Variants in CSMD1 observed in about 807,000 individuals in gnomAD.
The protein encoded by CSMD1 is CUB and Sushi multiple domains 1.
Under a neutral mutation model 417.5 loss-of-function variants are expected in CSMD1, and 213 were observed. The ratio of observed to expected loss-of-function variants is 0.51; its 90% CI spans 0.46 to 0.57. The LOEUF is 0.57. CSMD1 is among the 20% of genes least tolerant of loss of function. CSMD1 has a pLI of 0.00. For missense variants in CSMD1, 6,923 were observed against 4,529.7 expected, an observed-to-expected ratio of 1.53 and a Z score of -15.17; for synonymous variants, 2,862 against 1,736.8, an observed-to-expected ratio of 1.65 and a Z score of -16.11.
At chr8:3,441,514 C>G (rs57817395) in intron 12 of CSMD1, among the ~76,000 whole-genome samples, 1 of 138,734 alleles carries the variant, frequency 7.2e-6, no homozygotes, top group Non-Finnish European at 1.5e-5. Flanking sequence ...TATATATACA[C>G]ACACACACAC....
chr8:3,826,841 T>A (rs1315882748), intron 5 of CSMD1, among the ~76,000 whole-genome samples: 1 of 152,186 alleles, frequency 6.6e-6, no homozygotes, highest in Non-Finnish European at 1.5e-5. Flanking sequence ...GGCTGCAGTG[T>A]AGTGGTGTGA....
chr8:4,316,006 T>C (rs1395083854), intron 3 of CSMD1, among the ~76,000 whole-genome samples: 1 of 152,324 alleles, frequency 6.6e-6, no homozygotes, highest in East Asian at 1.9e-4. Flanking sequence ...TTCTTTCCTT[T>C]AAATATTCAG....
At chr8:3,827,048 T>A (rs971602746) in intron 5 of CSMD1, among the ~76,000 whole-genome samples, 1 of 152,172 alleles carries the variant, frequency 6.6e-6, no homozygotes, top group Admixed American at 6.5e-5. Context: ...TTTTGAAGTG[T>A]TGACATTATA....
At chr8:4,829,044 T>C (rs1169837737) in intron 1 of CSMD1, among the ~76,000 whole-genome samples, 1 of 152,214 alleles carries the variant, frequency 6.6e-6, no homozygotes, top group African/African-American at 2.4e-5. Context: ...TGAAAAGTAA[T>C]GATAACTTAA....
At chr8:3,896,685 T>G (rs530869523) in intron 5 of CSMD1, among the ~76,000 whole-genome samples, 1 of 151,956 alleles carries the variant, frequency 6.6e-6, no homozygotes, top group African/African-American at 2.4e-5. Flanking sequence ...TAATTTTTCT[T>G]ATTTTTATTG....
chr8:4,628,466 A>G (rs1802264752), intron 2 of CSMD1, among the ~76,000 whole-genome samples: 1 of 149,640 alleles, frequency 6.7e-6, no homozygotes, highest in South Asian at 2.1e-4. Flanking sequence ...ATATATATGT[A>G]TATGTATATA....
chr8:3,522,104 T>C (rs1797534008), intron 10 of CSMD1, among the ~76,000 whole-genome samples: 1 of 152,256 alleles, frequency 6.6e-6, no homozygotes, highest in South Asian at 2.1e-4. Context: ...ATTAACTTTT[T>C]TTAACCCTCA....
chr8:3,910,800 C>G (rs187506489), intron 5 of CSMD1, among the ~76,000 whole-genome samples: 2 of 152,228 alleles, frequency 1.3e-5, no homozygotes, highest in Admixed American at 6.5e-5. Context: ...ACAAATATAA[C>G]TTGTTATTGG....
chr8:4,883,356 A>C (rs1348526232), intron 1 of CSMD1, among the ~76,000 whole-genome samples: 1 of 152,088 alleles, frequency 6.6e-6, no homozygotes, highest in Non-Finnish European at 1.5e-5. Flanking sequence ...CATATCATAA[A>C]ATTTACCATT....
chr8:3,690,532 G>A (rs986870761), intron 7 of CSMD1, among the ~76,000 whole-genome samples: 1 of 152,188 alleles, frequency 6.6e-6, no homozygotes, highest in Non-Finnish European at 1.5e-5. Flanking sequence ...TAGACTGTTA[G>A]TCATCATCTA....
chr8:3,267,820 C>A (rs1168828277), intron 26 of CSMD1, among the ~76,000 whole-genome samples: 1 of 152,062 alleles, frequency 6.6e-6, no homozygotes. Flanking sequence ...CTGATGTCAC[C>A]CAGCTGGGCC....
At chr8:4,269,152 G>T (rs986615448) in intron 3 of CSMD1, among the ~76,000 whole-genome samples, 2 of 152,134 alleles carry the variant, frequency 1.3e-5, no homozygotes, top group Non-Finnish European at 2.9e-5. Flanking sequence ...TGTCTCCTGG[G>T]TTTAAACCAT....
At chr8:3,393,449 T>C (rs988296369) in intron 17 of CSMD1, among the ~76,000 whole-genome samples, 1 of 152,214 alleles carries the variant, frequency 6.6e-6, no homozygotes, top group African/African-American at 2.4e-5. Flanking sequence ...GTGACAGTTT[T>C]CTTCTTCTTT....
chr8:3,915,617 TTATCA>T (rs547364288), intron 5 of CSMD1, among the ~76,000 whole-genome samples: 67 of 151,352 alleles, frequency 4.4e-4, no homozygotes, highest in Non-Finnish European at 8.1e-4. Flanking sequence ...CTTGAAAAGC[TTATCA>T]TATAATTATA....
intron 5 of CSMD1, among the ~76,000 whole-genome samples, chr8:3,878,040 A>G (rs4527896): frequency 0.25 from 38,052 of 151,850 alleles, 5,955 homozygotes; most frequent in African/African-American, 0.44. Flanking sequence ...TAGTACCTCC[A>G]TCTAATTACA....
intron 5 of CSMD1, among the ~76,000 whole-genome samples, chr8:3,782,585 T>G (rs1799240736): frequency 1.3e-5 from 2 of 152,182 alleles, no homozygotes; most frequent in Admixed American, 1.3e-4. Flanking sequence ...ACATGGCACA[T>G]GTAATCCTAT....
chr8:3,117,894 G>A (rs145732770), intron 42 of CSMD1, among the ~76,000 whole-genome samples: 2 of 152,204 alleles, frequency 1.3e-5, no homozygotes, highest in African/African-American at 4.8e-5. Context: ...TTCCACCTCC[G>A]AGTAGCAAAA....
At chr8:4,527,294 G>A (rs1328218604) in intron 2 of CSMD1, among the ~76,000 whole-genome samples, 3 of 152,140 alleles carry the variant, frequency 2.0e-5, no homozygotes, top group African/African-American at 7.2e-5. Context: ...GGAATGAGCT[G>A]TGTAGCTGGT....
At chr8:3,553,395 T>C (rs748779775) in intron 10 of CSMD1, among the ~76,000 whole-genome samples, 1 of 152,208 alleles carries the variant, frequency 6.6e-6, no homozygotes, top group Non-Finnish European at 1.5e-5. Context: ...AGACAGAGTG[T>C]GACAGACCCA....
Sources: allele counts gnomAD v4.1 joint callset (sites outside exome capture counted in the v4.1 genomes callset), GRCh38; gene constraint gnomAD v4.1.1; transcripts MANE v1.5; gene names NCBI Gene and HGNC (gene_info 2026-07-23, HGNC 2026-07-21).